The following RFLNA variants were observed in gnomAD, a reference collection of about 807,000 sequenced individuals.
The protein encoded by RFLNA is refilin A.
A neutral mutation model predicts 7.8 loss-of-function variants in RFLNA; 5 were observed. The observed-to-expected ratio is 0.64, with a 90% CI of 0.34 to 1.35. The LOEUF is 1.35. Ranked by LOEUF, RFLNA falls within the 40% of genes most tolerant of loss-of-function variation. The pLI is 0.04. For missense variants in RFLNA, 278 were observed against 305.5 expected (o/e 0.91, Z 0.67); for synonymous variants, 141 against 131.3 (o/e 1.07, Z -0.50).
chr12:124,295,587 G>A lies in RFLNA; in HGVS notation c.158G>A (p.Gly53Glu), dbSNP rs1267169567. 1.6e-6 allele frequency: 2 copies of A among 1,222,506 alleles called. No homozygotes were observed. The highest frequency in any genetic ancestry group is 9.0e-5 in the Admixed American group (2 of 22,132). 75.7% of individuals were successfully genotyped at this position (1,222,506 alleles called of 1,614,324 possible). A position where few individuals can be genotyped will look rare whatever the true frequency, so the allele number is the denominator to read the frequency against. ...LAPGILDARA[G>E]GAGASSEPPG... ...CCCGGCATCCTCGACGCGCGCGCGG[G>A]GGGCGCCGGCGCCTCCTCGGAGCCC... is the stretch of plus-strand genomic sequence containing the variant. The change falls in exon 1 of 3, where the codon GGG becomes GAG. Residue 53 changes from glycine to glutamate, a missense_variant. Physicochemically the swap from Gly to Glu is moderately conservative, Grantham distance 98. Coordinates refer to ENST00000546355, the MANE Select transcript of RFLNA (RefSeq NM_001365156.1).
chr12:124,301,246 C>T (rs2034032214), intron 1 of RFLNA, among the ~76,000 whole-genome samples: 1 of 152,202 alleles, frequency 6.6e-6, no homozygotes, highest in Non-Finnish European at 1.5e-5. Context: ...GTGAACTGGC[C>T]TCCAGTGGAA....
At position 124,301,686 on chromosome 12, in the gene RFLNA, G is replaced by A. The variant is rs547846222; in HGVS notation, c.207+6050G>A. Among the ~76,000 whole-genome samples, 975 of 152,276 alleles carry A rather than the reference G, an allele frequency of 6.4e-3. 7 individuals carry two copies. Among genetic ancestry groups the A allele is most frequent in the Non-Finnish European group, 1.0e-2 (679 of 68,014 alleles). On this transcript the variant is annotated intron_variant, in intron 1 of 2. Coordinates refer to ENST00000546355, the MANE Select transcript of RFLNA (RefSeq NM_001365156.1). Reference sequence around the variant, plus strand: ...GTGTCCCCTATCTGGGAGGCCGCCTGGCAGTTGTGAGTGGTTGAGAAAGGA... The same window carrying A: ...GTGTCCCCTATCTGGGAGGCCGCCTAGCAGTTGTGAGTGGTTGAGAAAGGA...
chr12:124,309,511 A>G (rs978468571), intron 1 of RFLNA, among the ~76,000 whole-genome samples: 1 of 152,230 alleles, frequency 6.6e-6, no homozygotes, highest in Admixed American at 6.5e-5. Flanking sequence ...ATCTCTTCGC[A>G]TCTGCACTCA....
At position 124,295,543 on chromosome 12, in the gene RFLNA, G is replaced by T. The variant is rs1233241692; in HGVS notation, c.114G>T (p.Pro38=). ...SGLPPSPSPS[P]PFYSLAPGIL... Reference sequence around the variant, plus strand: ...TGCCCCCCAGCCCCAGCCCCAGCCCGCCCTTCTACTCCCTGGCGCCCGGCA... The same window carrying T: ...TGCCCCCCAGCCCCAGCCCCAGCCCTCCCTTCTACTCCCTGGCGCCCGGCA... The change falls in exon 1 of 3, where the codon CCG becomes CCT. Residue 38 remains proline (P), a synonymous_variant. Coordinates refer to ENST00000546355, the MANE Select transcript of RFLNA (RefSeq NM_001365156.1). The T allele has an allele frequency of 2.3e-6, 1 of 436,474 alleles. No individual in the cohort carries two copies. The highest frequency in any genetic ancestry group is 7.6e-5 in the East Asian group (1 of 13,170). 27.0% of individuals were successfully genotyped at this position (436,474 alleles called of 1,614,324 possible). A position where few individuals can be genotyped will look rare whatever the true frequency, so the allele number is the denominator to read the frequency against.
At chr12:124,304,127 AG>A (rs2034096800) in intron 1 of RFLNA, among the ~76,000 whole-genome samples, 1 of 152,238 alleles carries the variant, frequency 6.6e-6, no homozygotes, top group Admixed American at 6.5e-5. Flanking sequence ...TGGAGTCCAC[AG>A]GGCGCCACGA....
upstream of RFLNA, among the ~76,000 whole-genome samples, chr12:124,293,824 C>T (rs1337109181): frequency 6.6e-6 from 1 of 152,172 alleles, no homozygotes; most frequent in African/African-American, 2.4e-5. Flanking sequence ...CCTGCTGTTC[C>T]CTCCACATGG....
At position 124,289,995 on chromosome 12, in the gene RFLNA, C is replaced by T. The variant is rs2033793352; in HGVS notation, c.-37+625C>T. Among the ~76,000 whole-genome samples, 1 of 152,172 alleles carries T rather than the reference C, an allele frequency of 6.6e-6. No homozygotes were observed. The highest frequency in any genetic ancestry group is 2.1e-4 in the South Asian group (1 of 4,828). On this transcript the variant is annotated intron_variant, in intron 1 of 2. Transcript: ENST00000324038. The surrounding 1 kb of genome is among the most constrained non-coding windows in gnomAD (Gnocchi z 5.0). ...ACAGGGCCTGTAAGGAGCGTGTGAT[C>T]AAGAAGCCACTCTTCTTGCCTCTGT...
intron 1 of RFLNA, 79 bp from the exon 2 acceptor site, chr12:124,311,739 G>C (rs2034247244): frequency 8.5e-6 from 11 of 1,295,392 alleles, no homozygotes; most frequent in Non-Finnish European, 1.1e-5. Flanking sequence ...GGTGTCAGGT[G>C]GTCCTGTGTG....
At chr12:124,311,147 C>T (rs1167434789) in intron 1 of RFLNA, among the ~76,000 whole-genome samples, 3 of 152,236 alleles carry the variant, frequency 2.0e-5, no homozygotes, top group Admixed American at 1.3e-4. Flanking sequence ...CTGGGTAGGG[C>T]TCTCATTGGC....
At chr12:124,312,623 T>C (rs1372775654) in intron 2 of RFLNA, among the ~76,000 whole-genome samples, 1 of 152,114 alleles carries the variant, frequency 6.6e-6, no homozygotes, top group African/African-American at 2.4e-5. Context: ...TGACAGATTG[T>C]TAGGTATTCA....
intron 1 of RFLNA, among the ~76,000 whole-genome samples, chr12:124,298,449 C>A (rs1278923086): frequency 6.6e-6 from 1 of 152,236 alleles, no homozygotes; most frequent in Non-Finnish European, 1.5e-5. Context: ...CCCCTCCCCA[C>A]TCACCATGGG....
chr12:124,312,090 G>A (rs1228038212), intron 2 of RFLNA, among the ~76,000 whole-genome samples, 163 bp downstream of exon 2: 1 of 152,014 alleles, frequency 6.6e-6, no homozygotes, highest in Non-Finnish European at 1.5e-5. Context: ...GGGGAGTTTG[G>A]CCGTATCTTA....
intron 1 of RFLNA, among the ~76,000 whole-genome samples, chr12:124,302,786 G>GGGGCTGAGGTCA (rs2034061293): frequency 3.0e-5 from 1 of 33,028 alleles, no homozygotes; most frequent in African/African-American, 6.6e-5. Context: ...GCCGAGGTCA[G>GGGGCTGAGGTCA]GGGGCCGAGG....
In RFLNA at chr12:124,296,072, T is replaced by TTTTCTTTC. The variant is rs1165061619; in HGVS notation, c.207+482_207+489dup. 1.5e-3 allele frequency among the ~76,000 whole-genome samples: 142 copies of TTTTCTTTC among 94,702 alleles called. 35 individuals carry two copies. Among genetic ancestry groups the TTTTCTTTC allele is most frequent in the African/African-American group, 6.2e-3 (126 of 20,270 alleles). The allele number at this position is 94,702 out of a possible 152,430, so 62.1% of individuals were successfully genotyped here. A position where few individuals can be genotyped will look rare whatever the true frequency, so the allele number is the denominator to read the frequency against. On this transcript the variant is annotated intron_variant, in intron 1 of 2. Transcript: ENST00000546355. Reference sequence around the variant, plus strand: ...TCCGGGCGCTGCCAATGTGAAAGCCTTTTCTTTCTTTCTTTCTTTCTTTCT... The same window carrying TTTTCTTTC: ...TCCGGGCGCTGCCAATGTGAAAGCCTTTTCTTTCTTTCTTTCTTTCTTTCTTTCTTTCT...
At position 124,306,649 on chromosome 12, in the gene RFLNA, C is replaced by T. The variant is rs545881779; in HGVS notation, c.208-5169C>T. ...TAGCCACTCTGGGCCTCGGTTTCCA[C>T]ATGTGGAAAATGGGGGTGCTGCCAG... On this transcript the variant is annotated intron_variant, in intron 1 of 2. Coordinates refer to ENST00000546355, the MANE Select transcript of RFLNA (RefSeq NM_001365156.1). This position sits in a 1 kb window ranked among gnomAD's most constrained non-coding sequence, Gnocchi z 5.2. 1.3e-5 allele frequency among the ~76,000 whole-genome samples: 2 copies of T among 152,252 alleles called. No homozygotes were observed. Among genetic ancestry groups the T allele is most frequent in the East Asian group, 3.9e-4 (2 of 5,168 alleles).
At chr12:124,302,813 G>GGGGCCGAGGTCAGA (rs1555294761) in intron 1 of RFLNA, among the ~76,000 whole-genome samples, 13,336 of 68,562 alleles carry the variant, frequency 0.19, 2,909 homozygotes, top group East Asian at 0.48. Context: ...GCTGAGGTCA[G>GGGGCCGAGGTCAGA]GGGCCGAGGT....
rs529527020 is a variant in RFLNA at position 124,306,806 on chromosome 12, G to T, written c.208-5012G>T. On this transcript the variant is annotated intron_variant, in intron 1 of 2. Coordinates refer to ENST00000546355, the MANE Select transcript of RFLNA (RefSeq NM_001365156.1). This position sits in a 1 kb window ranked among gnomAD's most constrained non-coding sequence, Gnocchi z 5.2. Reference sequence around the variant, plus strand: ...TTGTCCAGGCAGGTATGGGGGCGGCGGGGAGGGGACAGATGTAGGAGATAT... The same window carrying T: ...TTGTCCAGGCAGGTATGGGGGCGGCTGGGAGGGGACAGATGTAGGAGATAT... Among the ~76,000 whole-genome samples the T allele has an allele frequency of 6.6e-6, 1 of 152,246 alleles. No individual in the cohort carries two copies. The highest frequency in any genetic ancestry group is 1.5e-5 in the Non-Finnish European group (1 of 67,998).
intron 1 of RFLNA, among the ~76,000 whole-genome samples, chr12:124,310,126 T>C (rs925364702): frequency 1.5e-5 from 2 of 129,144 alleles, no homozygotes; most frequent in Non-Finnish European, 3.1e-5. Flanking sequence ...TGAGCCATGA[T>C]TGCACTACCG....
At chr12:124,291,331 T>C (rs905375212), upstream of RFLNA, among the ~76,000 whole-genome samples, 3 of 152,240 alleles carry the variant, frequency 2.0e-5, no homozygotes, top group African/African-American at 7.2e-5. Context: ...CTTGGCTCAC[T>C]GCAGCCTCTG....
Sources: gnomAD v4.1 joint callset for allele counts (sites outside exome capture counted in the v4.1 genomes callset) on GRCh38, gnomAD v4.1.1 for gene constraint, Gnocchi (gnomAD v3.1) non-coding constraint, MANE v1.5 for transcripts, NCBI Gene and HGNC (gene_info 2026-07-23, HGNC 2026-07-21) for gene names.